The following SUGCT variants were observed in gnomAD, a reference collection of about 807,000 sequenced individuals.
SUGCT encodes succinyl-CoA:glutarate CoA-transferase.
A neutral mutation model predicts 55.0 loss-of-function variants in SUGCT; 41 were observed. The observed-to-expected ratio is 0.74, with a 90% CI of 0.58 to 0.97. SUGCT has a LOEUF of 0.97. Ranked by LOEUF, SUGCT falls within the 50% of genes least tolerant of loss-of-function variation. The probability of loss-of-function intolerance (pLI) is 0.00; values close to 1 mark genes in which losing one functional copy is unlikely to be tolerated. For synonymous variants in SUGCT, 187 were observed against 200.4 expected (o/e 0.93, Z 0.56); for missense variants, 568 against 547.8 (o/e 1.04, Z -0.37).
At chr7:40,749,329 C>A in intron 12 of SUGCT, 105 bp from the exon 13 acceptor site, 1 of 864,196 alleles carries the variant, frequency 1.2e-6, no homozygotes, top group Non-Finnish European at 2.0e-6. Context: ...CTGTGTTTTG[C>A]CATATCTTTC....
intron 6 of SUGCT, among the ~76,000 whole-genome samples, chr7:40,232,164 CA>C (rs1415003623): frequency 1.3e-5 from 2 of 152,150 alleles, no homozygotes; most frequent in African/African-American, 2.4e-5. Flanking sequence ...AGAGCAGAAA[CA>C]GGTGGCTAAT....
the SUGCT span, among the ~76,000 whole-genome samples, chr7:40,991,336 C>A: frequency 6.4e-4 from 98 of 152,082 alleles, no homozygotes; most frequent in African/African-American, 1.5e-3. Context: ...CACCTCAAAA[C>A]AATTGCAATA....
chr7:40,736,234 TATATA>T (rs1197565876), intron 12 of SUGCT, among the ~76,000 whole-genome samples: 39 of 68,404 alleles, frequency 5.7e-4, no homozygotes, highest in Non-Finnish European at 1.5e-4. Context: ...AATATATCAA[TATATA>T]ATATATAATA....
chr7:40,195,139 C>G, intron 6 of SUGCT, 79 bp downstream of exon 6: 1 of 1,296,608 alleles, frequency 7.7e-7, no homozygotes. Flanking sequence ...AAACCTTTTG[C>G]TGGCTTTTTT....
In SUGCT at chr7:40,289,955, G is replaced by A. The variant is rs1479503744; in HGVS notation, c.720+15299G>A. On this transcript the variant is annotated intron_variant, in intron 8 of 13. Coordinates refer to ENST00000335693, the MANE Select transcript of SUGCT (RefSeq NM_001193313.2). ...TAGGAATCCAACTTACAAGGGATGC[G>A]AAAGACCTCTTCAAGGAGAACTACA... is the stretch of plus-strand genomic sequence containing the variant. 5.9e-5 allele frequency among the ~76,000 whole-genome samples: 9 copies of A among 152,270 alleles called. No individual in the cohort carries two copies. The East Asian group carries it at 9.6e-4, about 16-fold the overall frequency.
At chr7:40,370,504 A>G (rs552877500) in intron 9 of SUGCT, among the ~76,000 whole-genome samples, 1 of 152,164 alleles carries the variant, frequency 6.6e-6, no homozygotes, top group East Asian at 1.9e-4. Flanking sequence ...AAACATACCT[A>G]GAGATCCTCA....
intron 12 of SUGCT, among the ~76,000 whole-genome samples, chr7:40,653,488 T>C (rs938370662): frequency 1.1e-4 from 17 of 152,240 alleles, no homozygotes; most frequent in African/African-American, 4.1e-4. Context: ...GACAGTTGTA[T>C]ACATCAACCC....
chr7:40,949,992 G>T, the SUGCT span, among the ~76,000 whole-genome samples: 1 of 152,180 alleles, frequency 6.6e-6, no homozygotes, highest in Non-Finnish European at 1.5e-5. Context: ...ATTCTGTGAA[G>T]AAAGTAATTG....
At chr7:40,837,216 G>A (rs1793031532) in intron 13 of SUGCT, among the ~76,000 whole-genome samples, 1 of 151,928 alleles carries the variant, frequency 6.6e-6, no homozygotes, top group South Asian at 2.1e-4. Flanking sequence ...TATGCTTTTA[G>A]CCACCTCCAT....
In SUGCT at chr7:40,180,896, G is replaced by A. The variant is rs73687513; in HGVS notation, c.101-51G>A. On this transcript the variant is annotated intron_variant, in intron 1 of 13. Coordinates refer to ENST00000335693, the MANE Select transcript of SUGCT (RefSeq NM_001193313.2). ...AGCTTATAATGGTGTATGTGAAAAT[G>A]TAAGAAAATTACTAATGAATTATCT... The A allele has an allele frequency of 5.0e-5, 68 of 1,369,478 alleles. No homozygotes were observed. The African/African-American group carries it at 9.1e-4, about 18-fold the overall frequency. The allele number at this position is 1,369,478 out of a possible 1,614,324, so 84.8% of individuals were successfully genotyped here.
intron 9 of SUGCT, among the ~76,000 whole-genome samples, chr7:40,380,066 A>G (rs1002411979): frequency 3.3e-5 from 5 of 152,234 alleles, no homozygotes; most frequent in African/African-American, 4.8e-5. Context: ...GAGGCAGGTC[A>G]AATAAAGGAA....
intron 12 of SUGCT, among the ~76,000 whole-genome samples, chr7:40,535,250 T>G (rs1164155914): frequency 6.6e-6 from 1 of 152,190 alleles, no homozygotes; most frequent in Non-Finnish European, 1.5e-5. Context: ...TTACAAATGA[T>G]TCCATCAGCC....
At chr7:40,645,926 A>G (rs903314236) in intron 12 of SUGCT, among the ~76,000 whole-genome samples, 2 of 152,168 alleles carry the variant, frequency 1.3e-5, no homozygotes, top group African/African-American at 4.8e-5. Flanking sequence ...AGTTCCAGAC[A>G]TGGATATCTA....
intron 12 of SUGCT, among the ~76,000 whole-genome samples, chr7:40,579,190 T>A (rs1308899464): frequency 6.6e-6 from 1 of 151,932 alleles, no homozygotes; most frequent in South Asian, 2.1e-4. Flanking sequence ...AATGGTGAAA[T>A]CAATCGAGGG....
intron 13 of SUGCT, among the ~76,000 whole-genome samples, chr7:40,845,399 A>C (rs541337269): frequency 2.0e-5 from 3 of 152,344 alleles, no homozygotes; most frequent in African/African-American, 7.2e-5. Context: ...CCTCAGGTCC[A>C]GCGGAGAGTA....
intron 9 of SUGCT, among the ~76,000 whole-genome samples, chr7:40,328,480 G>A (rs913153367): frequency 1.3e-5 from 2 of 152,120 alleles, no homozygotes; most frequent in African/African-American, 4.8e-5. Flanking sequence ...GCTGGGATGG[G>A]AAGGAATATT....
At chr7:40,862,549 C>G (rs1794510516), downstream of SUGCT, among the ~76,000 whole-genome samples, 1 of 152,164 alleles carries the variant, frequency 6.6e-6, no homozygotes, top group Admixed American at 6.5e-5. Context: ...GGCCTATTAT[C>G]TTACACATTC....
At chr7:40,532,526 C>CTGTGTGTGTGTG (rs3048827) in intron 12 of SUGCT, among the ~76,000 whole-genome samples, 12 of 134,162 alleles carry the variant, frequency 8.9e-5, no homozygotes, top group East Asian at 4.4e-4. Flanking sequence ...GCAAGTATGT[C>CTGTGTGTGTGTG]TGTGTGTGTG....
chr7:40,217,260 AGT>A (rs1265604686), intron 6 of SUGCT: 1 of 251,108 alleles, frequency 4.0e-6, no homozygotes, highest in African/African-American at 2.4e-5. Context: ...CCCAGGCTGG[AGT>A]GTCATGGCGC....
Sources: allele counts gnomAD v4.1 joint callset (sites outside exome capture counted in the v4.1 genomes callset), GRCh38; gene constraint gnomAD v4.1.1; transcripts MANE v1.5; gene names NCBI Gene and HGNC (gene_info 2026-07-23, HGNC 2026-07-21).